Variants in CACNB4 observed in about 807,000 individuals in gnomAD.
CACNB4 encodes calcium voltage-gated channel auxiliary subunit beta 4.
CACNB4 carries 32 observed loss-of-function variants against 71.2 expected under a neutral mutation model. The observed-to-expected ratio is 0.45, with a 90% CI of 0.34 to 0.60. CACNB4 has a LOEUF of 0.60. Among genes scored for constraint, CACNB4 ranks in the 20% least tolerant of loss-of-function variants. The pLI is 0.01. For missense variants in CACNB4, 464 were observed against 647.9 expected (o/e 0.72, Z 3.08); for synonymous variants, 231 against 236.9 (o/e 0.97, Z 0.23).
At position 151,836,138 on chromosome 2, in the gene CACNB4, A is replaced by G. The variant is rs2151307405; in HGVS notation, c.*2981T>C. The G allele has an allele frequency of 6.6e-6, 1 of 151,978 alleles. No individual in the cohort carries two copies. The highest frequency in any genetic ancestry group is 2.4e-5 in the African/African-American group (1 of 41,552). 9.4% of individuals were successfully genotyped at this position (151,978 alleles called of 1,614,324 possible). A position where few individuals can be genotyped will look rare whatever the true frequency, so the allele number is the denominator to read the frequency against. On this transcript the variant is annotated 3_prime_UTR_variant, in exon 14 of 14. Coordinates refer to ENST00000539935, the MANE Select transcript of CACNB4 (RefSeq NM_000726.5). The stretch of plus-strand genomic sequence containing the variant: ...CCCTTGAGAATTAACATCAGGATTG[A>G]CAAATTGCATTCGTTTTTTTCCAGA...
intron 2 of CACNB4, among the ~76,000 whole-genome samples, chr2:152,041,856 C>T (rs1266369387): frequency 6.6e-6 from 1 of 152,208 alleles, no homozygotes; most frequent in Non-Finnish European, 1.5e-5. Context: ...GAAGACCCTG[C>T]GTGAGCACTA....
intron 2 of CACNB4, among the ~76,000 whole-genome samples, chr2:152,094,117 T>A (rs1688133835): frequency 6.6e-6 from 1 of 152,140 alleles, no homozygotes; most frequent in Non-Finnish European, 1.5e-5. Context: ...TAAGTACATG[T>A]TAAATAAAAG....
At chr2:151,920,314 TCTTC>T (rs796837245) in intron 2 of CACNB4, among the ~76,000 whole-genome samples, 2,577 of 101,750 alleles carry the variant, frequency 0.025, 101 homozygotes, top group East Asian at 0.2. Flanking sequence ...TTCTTCTTCT[TCTTC>T]TTTTTTTTTT....
At chr2:152,029,509 A>G (rs1684159552) in intron 2 of CACNB4, among the ~76,000 whole-genome samples, 2 of 82,436 alleles carry the variant, frequency 2.4e-5, no homozygotes, top group East Asian at 1.0e-3. Flanking sequence ...AAAAAAAAAA[A>G]AAGAAAAGAA....
At chr2:151,860,091 G>A (rs1363660837) in intron 10 of CACNB4, 1 of 152,458 alleles carries the variant, frequency 6.6e-6, no homozygotes, top group African/African-American at 2.4e-5. Flanking sequence ...GATGAACGAT[G>A]TAATTCACCA....
At chr2:151,868,182 CTG>C (rs1297517179) in intron 9 of CACNB4, 2 of 152,238 alleles carry the variant, frequency 1.3e-5, no homozygotes, top group Admixed American at 6.5e-5. Flanking sequence ...TAAAATCTAT[CTG>C]AAGTTTTTTT....
chr2:151,883,547 G>A (rs1023340065), intron 2 of CACNB4, 177 bp from the exon 3 acceptor site: 12 of 638,336 alleles, frequency 1.9e-5, no homozygotes, highest in Admixed American at 4.8e-5. Context: ...TGAGTTATTC[G>A]GAAAGTAGCA....
Position 152,098,208 on chromosome 2 carries a change from G to A in CACNB4, c.147+122C>T, listed in dbSNP as rs1688384652. 1 of 717,762 alleles carries A rather than the reference G, an allele frequency of 1.4e-6. No homozygotes were observed. Among genetic ancestry groups the A allele is most frequent in the Non-Finnish European group, 2.4e-6 (1 of 417,672 alleles). 44.5% of individuals were successfully genotyped at this position (717,762 alleles called of 1,614,324 possible). A position where few individuals can be genotyped will look rare whatever the true frequency, so the allele number is the denominator to read the frequency against. ...TGAGCCCGAGCACCGGCCGAGGCCG[G>A]GAAGAGACGCGCGCGGGCTTGACCC... On this transcript the variant is annotated intron_variant, in intron 2 of 13. Coordinates refer to ENST00000539935, the MANE Select transcript of CACNB4 (RefSeq NM_000726.5). The surrounding 1 kb of genome is among the most constrained non-coding windows in gnomAD (Gnocchi z 5.3).
chr2:152,095,073 A>G (rs10203659), intron 2 of CACNB4, among the ~76,000 whole-genome samples: 29,730 of 152,110 alleles, frequency 0.2, 3,291 homozygotes, highest in Admixed American at 0.3. Context: ...TTTCAGCGGC[A>G]AAGTACTTCA....
At chr2:152,097,923 A>C (rs1418972192) in intron 2 of CACNB4, among the ~76,000 whole-genome samples, 1 of 152,208 alleles carries the variant, frequency 6.6e-6, no homozygotes, top group African/African-American at 2.4e-5. Context: ...AGAAGAAACC[A>C]CTAAATCTCA....
chr2:151,910,600 A>G (rs2099855936), intron 2 of CACNB4, among the ~76,000 whole-genome samples: 1 of 152,162 alleles, frequency 6.6e-6, no homozygotes, highest in African/African-American at 2.4e-5. Flanking sequence ...TTTGTTGAAG[A>G]TCAGATGGTT....
chr2:151,901,548 A>G (rs921069957), intron 2 of CACNB4, among the ~76,000 whole-genome samples: 1 of 152,180 alleles, frequency 6.6e-6, no homozygotes, highest in Non-Finnish European at 1.5e-5. Context: ...CTACAATACT[A>G]CAAAATTACA....
At chr2:152,079,713 G>A (rs1687247839) in intron 2 of CACNB4, among the ~76,000 whole-genome samples, 1 of 152,158 alleles carries the variant, frequency 6.6e-6, no homozygotes, top group Non-Finnish European at 1.5e-5. Context: ...TTGAGCCCAG[G>A]AGGTTAAGGC....
At chr2:151,911,998 T>C (rs2099856286) in intron 2 of CACNB4, among the ~76,000 whole-genome samples, 3 of 152,164 alleles carry the variant, frequency 2.0e-5, no homozygotes, top group Non-Finnish European at 4.4e-5. Flanking sequence ...TTTGTATTTC[T>C]TGGGGTCAGT....
intron 10 of CACNB4, chr2:151,859,028 T>G (rs748268883): frequency 1.3e-5 from 2 of 152,230 alleles, no homozygotes; most frequent in Non-Finnish European, 2.9e-5. Flanking sequence ...GCACAATGCA[T>G]GGCACATAAC....
chr2:152,082,499 C>G lies in CACNB4; in HGVS notation c.147+15831G>C, dbSNP rs1461853309. On this transcript the variant is annotated intron_variant, in intron 2 of 13. Transcript: ENST00000539935. ...AGTCCCGCAGTCAGCCTGCAGAACC[C>G]TCAGACCTGAGAGCTAACTGTACAG... 4.6e-5 allele frequency among the ~76,000 whole-genome samples: 7 copies of G among 152,224 alleles called. No individual in the cohort carries two copies. The East Asian group carries it at 1.3e-3, about 29-fold the overall frequency.
At chr2:151,989,793 C>T (rs748104498) in intron 2 of CACNB4, among the ~76,000 whole-genome samples, 2 of 152,190 alleles carry the variant, frequency 1.3e-5, no homozygotes, top group Non-Finnish European at 2.9e-5. Context: ...ATAGTGAACT[C>T]ACCTCCATCT....
chr2:151,847,685 T>C lies in CACNB4; in HGVS notation c.1117-5597A>G, dbSNP rs562841539. Among the ~76,000 whole-genome samples, 4 of 152,254 alleles carry C rather than the reference T, an allele frequency of 2.6e-5. 1 individual carries two copies. The highest frequency in any genetic ancestry group is 9.6e-5 in the African/African-American group (4 of 41,546). The stretch of plus-strand genomic sequence containing the variant: ...TGCAGGTCACCTGAGGTCAGGAGTT[T>C]GAGACCATCTCTTTTAAAAAATACA... On this transcript the variant is annotated intron_variant, in intron 12 of 13. Coordinates refer to ENST00000539935, the MANE Select transcript of CACNB4 (RefSeq NM_000726.5).
intron 5 of CACNB4, among the ~76,000 whole-genome samples, chr2:151,875,490 T>C (rs1167588748): frequency 1.0e-3 from 154 of 152,158 alleles, no homozygotes; most frequent in African/African-American, 3.4e-3. Flanking sequence ...TCATGGCCCA[T>C]TCTCAATGAG....
Sources: allele counts gnomAD v4.1 joint callset (sites outside exome capture counted in the v4.1 genomes callset), GRCh38; gene constraint gnomAD v4.1.1; non-coding constraint Gnocchi (gnomAD v3.1); transcripts MANE v1.5; gene names NCBI Gene and HGNC (gene_info 2026-07-23, HGNC 2026-07-21).